Variants in MYOM3 observed in about 807,000 individuals in gnomAD.
The protein encoded by MYOM3 is myomesin 3.
MYOM3 carries 155 observed loss-of-function variants against 191.7 expected under a neutral mutation model. The observed-to-expected ratio is 0.81, with a 90% CI of 0.71 to 0.92. The LOEUF (loss-of-function observed/expected upper bound fraction) is 0.92. Among genes scored for constraint, MYOM3 ranks in the 40% least tolerant of loss-of-function variants. The probability of loss-of-function intolerance (pLI) is 0.00; values close to 1 mark genes in which losing one functional copy is unlikely to be tolerated. For synonymous variants in MYOM3, 757 were observed against 762.9 expected (o/e 0.99, Z 0.13); for missense variants, 1,889 against 1,890.6 (o/e 1.00, Z 0.02).
Position 24,092,249 on chromosome 1 carries a change from C to G in MYOM3, c.1157G>C (p.Arg386Thr), listed in dbSNP as rs1299700468. ...PLNVRCLDVNRDCLILTWAPP... is the reference protein window; with the variant it reads ...PLNVRCLDVNTDCLILTWAPP... ...GGCCCAAGTCAGGATGAGGCAGTCT[C>G]TGTTCACATCCAGGCATCGGACGTT... The change falls in exon 11 of 37, where the codon AGA becomes ACA. Residue 386 changes from arginine (R) to threonine (T), a missense_variant. Arg to Thr is a moderately conservative substitution (Grantham distance 71, BLOSUM62 -1). Transcript: ENST00000374434. 1.4e-6 allele frequency: 2 copies of G among 1,415,150 alleles called. No homozygotes were observed. Among genetic ancestry groups the G allele is most frequent in the Non-Finnish European group, 1.9e-6 (2 of 1,075,286 alleles). The allele number at this position is 1,415,150 out of a possible 1,614,324, so 87.7% of individuals were successfully genotyped here.
Position 24,089,607 on chromosome 1 carries a change from G to A in MYOM3, c.1545C>T (p.Ala515=). 2.5e-6 allele frequency: 4 copies of A among 1,595,732 alleles called. No homozygotes were observed. Among genetic ancestry groups the A allele is most frequent in the South Asian group, 2.3e-5 (2 of 87,650 alleles). ...TNVHASEIRE[A]YVVLAWEEPS... is the part of the protein sequence containing the mutation. ...GCTCCTCCCAGGCCAGAACCACATA[G>A]GCCTCTCGGATCTCGCTGGCATGGA... Residue 515 remains alanine (A), a synonymous_variant, in exon 14 of 37, where the codon GCC becomes GCT. Coordinates refer to ENST00000374434, the MANE Select transcript of MYOM3 (RefSeq NM_152372.4).
chr1:24,079,769 T>C (rs1462563355), intron 20 of MYOM3, among the ~76,000 whole-genome samples: 1 of 152,210 alleles, frequency 6.6e-6, no homozygotes, highest in African/African-American at 2.4e-5. Context: ...GTGCAAATGC[T>C]GATATACCTG....
At chr1:24,103,677 T>G (rs1557617586) in intron 5 of MYOM3, among the ~76,000 whole-genome samples, 1 of 152,214 alleles carries the variant, frequency 6.6e-6, no homozygotes, top group Non-Finnish European at 1.5e-5. Flanking sequence ...GCTGTGCAGC[T>G]GCAAGGTCAC....
intron 35 of MYOM3, among the ~76,000 whole-genome samples, chr1:24,060,815 C>T (rs1335121809): frequency 6.6e-6 from 1 of 152,200 alleles, no homozygotes; most frequent in Non-Finnish European, 1.5e-5. Context: ...TTTTCGGTCC[C>T]ACCAATGTAG....
intron 20 of MYOM3, among the ~76,000 whole-genome samples, chr1:24,077,769 G>A (rs1467519480): frequency 6.6e-6 from 1 of 152,152 alleles, no homozygotes; most frequent in Non-Finnish European, 1.5e-5. Context: ...ACCGAATGGC[G>A]GCCAACTGTC....
intron 36 of MYOM3, among the ~76,000 whole-genome samples, chr1:24,058,007 G>A (rs539015311): frequency 8.5e-5 from 13 of 152,084 alleles, no homozygotes; most frequent in East Asian, 3.9e-4. Flanking sequence ...GGGTTTTGCC[G>A]TGTTGATCAG....
chr1:24,108,897 C>T (rs1304810842), intron 1 of MYOM3, among the ~76,000 whole-genome samples: 1 of 152,222 alleles, frequency 6.6e-6, no homozygotes, highest in Non-Finnish European at 1.5e-5. Context: ...GTGAGCAGAG[C>T]CCCCACGTTA....
intron 23 of MYOM3, among the ~76,000 whole-genome samples, chr1:24,072,974 T>G (rs1359090105): frequency 6.6e-6 from 1 of 152,196 alleles, no homozygotes; most frequent in East Asian, 1.9e-4. Flanking sequence ...TCATTTTCCC[T>G]AGTAAGCCCC....
In MYOM3 at chr1:24,057,078, C is replaced by G; in HGVS notation, c.*286G>C. 2 of 464,722 alleles carry G rather than the reference C, an allele frequency of 4.3e-6. No homozygotes were observed. The highest frequency in any genetic ancestry group is 6.7e-5 in the South Asian group (2 of 29,912). The allele number at this position is 464,722 out of a possible 1,614,324, so 28.8% of individuals were successfully genotyped here. Reference sequence around the variant, plus strand: ...CAGTGTTTAGCAGCGTACCTGACCTCTACCTATCAGATGCCAGTACTGTTA... The same window carrying G: ...CAGTGTTTAGCAGCGTACCTGACCTGTACCTATCAGATGCCAGTACTGTTA... On this transcript the variant is annotated 3_prime_UTR_variant, in exon 37 of 37. Coordinates refer to ENST00000374434, the MANE Select transcript of MYOM3 (RefSeq NM_152372.4).
In MYOM3 at chr1:24,108,535, C is replaced by T. The variant is rs543603422; in HGVS notation, c.102G>A (p.Glu34=). The change falls in exon 2 of 37, where the codon GAG becomes GAA. Residue 34 remains glutamate, a synonymous_variant. Coordinates refer to ENST00000374434, the MANE Select transcript of MYOM3 (RefSeq NM_152372.4). ...LEHRQEEEQK[E]ERQHSLRMGS... is the part of the protein sequence containing the mutation. Reference sequence around the variant, plus strand: ...CCATGCGCAGGCTGTGCTGCCGCTCCTCCTTCTGCTCCTCCTCCTGCCGGT... The same window carrying T: ...CCATGCGCAGGCTGTGCTGCCGCTCTTCCTTCTGCTCCTCCTCCTGCCGGT... The T allele has an allele frequency of 1.9e-6, 3 of 1,579,598 alleles. No homozygotes were observed. Among genetic ancestry groups the T allele is most frequent in the African/African-American group, 1.3e-5 (1 of 74,338 alleles).
rs1187855699 is a variant in MYOM3 at position 24,097,967 on chromosome 1, T to A, written c.701A>T (p.Asn234Ile). 6.2e-7 allele frequency: 1 copy of A among 1,613,998 alleles called. No homozygotes were observed. The highest frequency in any genetic ancestry group is 1.7e-5 in the Admixed American group (1 of 60,024). Reference protein sequence around the residue: ...DSATYTVRVKNAHGQASSFAK... With the variant: ...DSATYTVRVKIAHGQASSFAK... ...GAAGGAGGAGGCCTGGCCGTGGGCG[T>A]TCTTCACTCGCACAGTGTAAGTTGC... The change falls in exon 7 of 37, where the codon AAC becomes ATC. Residue 234 changes from asparagine to isoleucine, a missense_variant. By Grantham distance (149) the Asn-to-Ile change is moderately radical. Transcript: ENST00000374434.
At position 24,071,127 on chromosome 1, in the gene MYOM3, A is replaced by G. The variant is rs1045216533; in HGVS notation, c.3140T>C (p.Phe1047Ser). 8.7e-6 allele frequency: 14 copies of G among 1,613,720 alleles called. No homozygotes were observed. Among genetic ancestry groups the G allele is most frequent in the Non-Finnish European group, 9.3e-6 (11 of 1,179,856 alleles). ...TGAGCACCCAATTACCGGCGAGCTG[A>G]AGATCTCCTTGTTGTTGAAGATTAG... The part of the protein sequence containing the change: ...LHLIFNNKEI[F>S]SSPNRKINFD... Residue 1047 changes from phenylalanine to serine, a missense_variant, in exon 25 of 37, where the codon TTC becomes TCC. By Grantham distance (155) the Phe-to-Ser change is radical. Transcript: ENST00000374434.
intron 32 of MYOM3, among the ~76,000 whole-genome samples, chr1:24,062,446 T>C (rs1182554888): frequency 6.6e-6 from 1 of 152,216 alleles, no homozygotes; most frequent in East Asian, 1.9e-4. Flanking sequence ...CATCTGTTCT[T>C]GGCTCTCACT....
chr1:24,062,859 G>A (rs1643386876), intron 32 of MYOM3, among the ~76,000 whole-genome samples: 1 of 152,186 alleles, frequency 6.6e-6, no homozygotes, highest in African/African-American at 2.4e-5. Context: ...CCAGAAAAAT[G>A]TTGTCCCGCC....
At position 24,108,643 on chromosome 1, in the gene MYOM3, G is replaced by A. The variant is rs1178302345; in HGVS notation, c.-7C>T. ...AGCTGTGCGGCAGAGTCATGGTTAC[G>A]AGAGCAACAACCTGTGAAGGCCAAG... On this transcript the variant is annotated 5_prime_UTR_variant, in exon 2 of 37. Transcript: ENST00000374434. 2.6e-6 allele frequency: 4 copies of A among 1,546,524 alleles called. No homozygotes were observed. The highest frequency in any genetic ancestry group is 2.5e-5 in the East Asian group (1 of 40,570).
At chr1:24,093,667 C>T (rs573093480) in intron 9 of MYOM3, among the ~76,000 whole-genome samples, 29 of 152,064 alleles carry the variant, frequency 1.9e-4, no homozygotes, top group Admixed American at 1.2e-3. Flanking sequence ...GCCTTGAGGC[C>T]ACACTGTGGG....
At chr1:24,092,910 G>A (rs1643857168) in intron 10 of MYOM3, 37 bp downstream of exon 10, 2 of 1,465,064 alleles carry the variant, frequency 1.4e-6, no homozygotes, top group Admixed American at 2.7e-5. Flanking sequence ...TGGTCTCTGG[G>A]CTCCTGCTGC....
At chr1:24,089,400 G>T in intron 14 of MYOM3, 138 bp downstream of exon 14, 1 of 1,194,110 alleles carries the variant, frequency 8.4e-7, no homozygotes, top group Non-Finnish European at 1.1e-6. Context: ...TTGCCTCTGT[G>T]TAGGGCCATG....
At chr1:24,088,036 G>A (rs1217001068) in intron 14 of MYOM3, among the ~76,000 whole-genome samples, 2 of 152,204 alleles carry the variant, frequency 1.3e-5, no homozygotes, top group East Asian at 3.8e-4. Context: ...TCACTCAGGT[G>A]TGGTTGGCTG....
Sources: gnomAD v4.1 joint callset for allele counts (sites outside exome capture counted in the v4.1 genomes callset) on GRCh38, gnomAD v4.1.1 for gene constraint, MANE v1.5 for transcripts, NCBI Gene and HGNC (gene_info 2026-07-23, HGNC 2026-07-21) for gene names.